Variants in SLC36A1 observed in about 807,000 individuals in gnomAD.
SLC36A1 encodes the protein solute carrier family 36 member 1, also known as proton-coupled amino acid transporter 1.
SLC36A1 carries 30 observed loss-of-function variants against 47.5 expected under a neutral mutation model. The ratio of observed to expected loss-of-function variants is 0.63; its 90% CI spans 0.47 to 0.86. The LOEUF is 0.86. SLC36A1 is among the 40% of genes least tolerant of loss of function. The pLI, the probability that SLC36A1 is intolerant of heterozygous loss-of-function variation, is 0.00. For synonymous variants in SLC36A1, 255 were observed against 249.7 expected, an observed-to-expected ratio of 1.02 and a Z score of -0.20; for missense variants, 517 against 606.0, an observed-to-expected ratio of 0.85 and a Z score of 1.54.
At chr5:151,501,985 G>A in the SLC36A1 span, among the ~76,000 whole-genome samples, 1 of 148,424 alleles carries the variant, frequency 6.7e-6, no homozygotes, top group Non-Finnish European at 1.5e-5. Context: ...AGGGCATTCT[G>A]TATAAAAGAA....
chr5:151,442,126 G>T (rs961925472), intron 1 of SLC36A1, among the ~76,000 whole-genome samples: 19 of 151,726 alleles, frequency 1.3e-4, no homozygotes, highest in African/African-American at 4.6e-4. Context: ...GTATTTTTTG[G>T]TTGAGAACAT....
intron 1 of SLC36A1, among the ~76,000 whole-genome samples, chr5:151,456,083 TAA>T (rs1346402320): frequency 6.6e-6 from 1 of 152,196 alleles, no homozygotes; most frequent in African/African-American, 2.4e-5. Flanking sequence ...ATTCCTCAGA[TAA>T]AAAGTTTCTT....
chr5:151,545,394 A>G, the SLC36A1 span: 1 of 1,614,164 alleles, frequency 6.2e-7, no homozygotes, highest in Admixed American at 1.7e-5. Flanking sequence ...CTTCATCAGC[A>G]TTGCCAGTTT....
At chr5:151,354,551 A>C in the SLC36A1 span, among the ~76,000 whole-genome samples, 2 of 152,038 alleles carry the variant, frequency 1.3e-5, no homozygotes. Flanking sequence ...ACAGAGTCCA[A>C]CCTCCTCATT....
At chr5:151,505,943 C>A in the SLC36A1 span, 3 of 1,579,438 alleles carry the variant, frequency 1.9e-6, no homozygotes, top group Non-Finnish European at 2.6e-6. Flanking sequence ...AGGGGAAGCC[C>A]CCATAGAGGC....
chr5:151,459,624 T>C (rs2127473802), intron 2 of SLC36A1: 1 of 152,396 alleles, frequency 6.6e-6, no homozygotes, highest in Admixed American at 6.5e-5. Context: ...GTTTCCCAGC[T>C]ACTCCTGATT....
downstream of SLC36A1, among the ~76,000 whole-genome samples, chr5:151,493,086 CTTAA>C (rs1361191001): frequency 6.6e-6 from 1 of 152,150 alleles, no homozygotes; most frequent in African/African-American, 2.4e-5. Flanking sequence ...ACAGGTAACA[CTTAA>C]TTTTCTTGAA....
At chr5:151,527,972 G>T in the SLC36A1 span, 5 of 1,612,534 alleles carry the variant, frequency 3.1e-6, no homozygotes, top group African/African-American at 4.0e-5. Context: ...TGAGCTCAGG[G>T]TGCGCCCCTC....
At chr5:151,554,471 A>T in the SLC36A1 span, 27 of 1,614,066 alleles carry the variant, frequency 1.7e-5, no homozygotes, top group Non-Finnish European at 2.2e-5. Flanking sequence ...ACTGTAGGTG[A>T]CTCTGCCATT....
chr5:151,421,478 G>T, the SLC36A1 span, among the ~76,000 whole-genome samples: 1 of 151,586 alleles, frequency 6.6e-6, no homozygotes, highest in Non-Finnish European at 1.5e-5. Flanking sequence ...CTGTGCTCAA[G>T]TGATCCACCC....
chr5:151,478,963 G>A (rs1010359093), intron 9 of SLC36A1, among the ~76,000 whole-genome samples: 4 of 152,162 alleles, frequency 2.6e-5, no homozygotes, highest in African/African-American at 7.2e-5. Context: ...GATATATCAT[G>A]GGGATAGTTT....
chr5:151,389,859 C>A, the SLC36A1 span, among the ~76,000 whole-genome samples: 1 of 151,952 alleles, frequency 6.6e-6, no homozygotes, highest in Non-Finnish European at 1.5e-5. Flanking sequence ...AATAGTGCCG[C>A]AATAAACATA....
In SLC36A1 at chr5:151,474,178, A is replaced by AAAAAAAAAAAAAAAAGAG. The variant is rs776318482; in HGVS notation, c.822+408_822+409insAAAAAAAAAAAAAAGAGA. 6.7e-4 allele frequency among the ~76,000 whole-genome samples: 80 copies of AAAAAAAAAAAAAAAAGAG among 118,984 alleles called. 3 individuals are homozygous for AAAAAAAAAAAAAAAAGAG. The highest frequency in any genetic ancestry group is 1.5e-3 in the East Asian group (6 of 3,912). The allele number at this position is 118,984 out of a possible 152,430, so 78.1% of individuals were successfully genotyped here. Reference sequence around the variant, plus strand: ...CTGTCTCAAAAAAAAAAAAAAAAAAAAGAAATTATCTTCTGTAACTCACTG... The same window carrying AAAAAAAAAAAAAAAAGAG: ...CTGTCTCAAAAAAAAAAAAAAAAAAAAAAAAAAAAAAAAAAGAGAGAAATTATCTTCTGTAACTCACTG... On this transcript the variant is annotated intron_variant, in intron 8 of 10. Transcript: ENST00000243389.
chr5:151,491,306 A>G lies in SLC36A1; in HGVS notation c.*3052A>G, dbSNP rs1352596557. 1 of 152,566 alleles carries G rather than the reference A, an allele frequency of 6.6e-6. No homozygotes were observed. The highest frequency in any genetic ancestry group is 1.5e-5 in the Non-Finnish European group (1 of 68,056). The allele number at this position is 152,566 out of a possible 1,614,324, so 9.5% of individuals were successfully genotyped here. A position where few individuals can be genotyped will look rare whatever the true frequency, so the allele number is the denominator to read the frequency against. ...GCTGTCCAGCTGCTAAGATCCCTTCATCTGCACAAGCCCTGGCTAGATATG... is the reference window on the plus strand; with the variant it reads ...GCTGTCCAGCTGCTAAGATCCCTTCGTCTGCACAAGCCCTGGCTAGATATG... On this transcript the variant is annotated 3_prime_UTR_variant, in exon 11 of 11. Transcript: ENST00000243389.
At chr5:151,522,177 C>T in the SLC36A1 span, 1 of 1,044,666 alleles carries the variant, frequency 9.6e-7, no homozygotes, top group African/African-American at 1.6e-5. Flanking sequence ...AGCTACGTTT[C>T]TCTGCCCCAC....
the SLC36A1 span, among the ~76,000 whole-genome samples, chr5:151,535,688 C>G: frequency 1.3e-5 from 2 of 152,166 alleles, no homozygotes; most frequent in Non-Finnish European, 2.9e-5. Context: ...CAACTTGAAG[C>G]TGGTTGGTCA....
chr5:151,372,514 A>G, the SLC36A1 span, among the ~76,000 whole-genome samples: 2 of 152,094 alleles, frequency 1.3e-5, no homozygotes, highest in African/African-American at 4.8e-5. Context: ...CACAATTACA[A>G]TGCACTGCGT....
At chr5:151,375,176 AT>A in the SLC36A1 span, among the ~76,000 whole-genome samples, 1 of 152,076 alleles carries the variant, frequency 6.6e-6, no homozygotes, top group South Asian at 2.1e-4. Context: ...TTCTTCTAGC[AT>A]TTTAATAGTT....
intron 1 of SLC36A1, among the ~76,000 whole-genome samples, chr5:151,457,888 G>A (rs377152031): frequency 5.4e-5 from 8 of 148,200 alleles, no homozygotes; most frequent in Middle Eastern, 3.5e-3. Flanking sequence ...CGCTCTTGTC[G>A]CCCAGGCTGG....
Sources: allele counts gnomAD v4.1 joint callset (sites outside exome capture counted in the v4.1 genomes callset), GRCh38; gene constraint gnomAD v4.1.1; transcripts MANE v1.5; gene names NCBI Gene and HGNC (gene_info 2026-07-23, HGNC 2026-07-21).